SLC17A1: variants seen among roughly 807,000 people sequenced by gnomAD.
SLC17A1 encodes the protein sodium-dependent phosphate transport protein 1.
A neutral mutation model predicts 53.5 loss-of-function variants in SLC17A1; 51 were observed. The ratio of observed to expected loss-of-function variants is 0.95; its 90% confidence interval spans 0.76 to 1.20. SLC17A1 has a LOEUF of 1.20. Ranked by LOEUF, SLC17A1 falls within the 50% of genes most tolerant of loss-of-function variation. The pLI is 0.00. For synonymous variants in SLC17A1, 179 were observed against 198.8 expected (o/e 0.90, Z 0.84); for missense variants, 538 against 568.2 (o/e 0.95, Z 0.54).
In SLC17A1 at chr6:25,799,501, G is replaced by A. The variant is rs1763692199; in HGVS notation, c.1270-582C>T. On this transcript the variant is annotated intron_variant, in intron 11 of 12. Coordinates refer to ENST00000244527, the MANE Select transcript of SLC17A1 (RefSeq NM_005074.5). Reference sequence around the variant, plus strand: ...TGTTCTTCAGATGTATGCTCGAGTTGAAATAGCTATCAGAGGAGAACCAGA... The same window carrying A: ...TGTTCTTCAGATGTATGCTCGAGTTAAAATAGCTATCAGAGGAGAACCAGA... 2.6e-5 allele frequency among the ~76,000 whole-genome samples: 4 copies of A among 152,156 alleles called. No homozygotes were observed. The South Asian group carries it at 8.3e-4, about 32-fold the overall frequency.
the SLC17A1 span, chr6:25,726,911 G>A: frequency 4.2e-5 from 67 of 1,611,302 alleles, no homozygotes; most frequent in Non-Finnish European, 5.6e-5. Context: ...TGGTAGCTAT[G>A]CCGGAGGTGT....
chr6:25,746,265 T>C, the SLC17A1 span, among the ~76,000 whole-genome samples: 2 of 152,230 alleles, frequency 1.3e-5, no homozygotes, highest in African/African-American at 2.4e-5. Context: ...ACCTTTAGTT[T>C]TGATGATCCT....
At chr6:25,831,475 G>A (rs1258173614) in intron 1 of SLC17A1, among the ~76,000 whole-genome samples, 1 of 151,994 alleles carries the variant, frequency 6.6e-6, no homozygotes, top group Non-Finnish European at 1.5e-5. Context: ...CACACCAAAT[G>A]CACACACAAA....
chr6:25,830,072 C>A (rs1198901644), intron 2 of SLC17A1, among the ~76,000 whole-genome samples: 1 of 152,104 alleles, frequency 6.6e-6, no homozygotes, highest in Non-Finnish European at 1.5e-5. Flanking sequence ...AACGCTAAAC[C>A]AATAGCAGTA....
chr6:25,788,856 C>G (rs147408637), intron 12 of SLC17A1, among the ~76,000 whole-genome samples: 1 of 152,096 alleles, frequency 6.6e-6, no homozygotes, highest in African/African-American at 2.4e-5. Context: ...CTAATAGGAG[C>G]TCACTGCTGG....
At chr6:25,826,119 A>T (rs1165180) in intron 3 of SLC17A1, among the ~76,000 whole-genome samples, 98,703 of 152,004 alleles carry the variant, frequency 0.65, 33,867 homozygotes, top group African/African-American at 0.87. Context: ...ATATCCTGCA[A>T]GTCAAAAACT....
chr6:25,735,591 A>C, the SLC17A1 span, among the ~76,000 whole-genome samples: 8 of 152,278 alleles, frequency 5.3e-5, no homozygotes, highest in African/African-American at 1.9e-4. Context: ...ACTACAACAA[A>C]CATTTAAGAA....
chr6:25,791,344 T>C (rs1328618806), intron 12 of SLC17A1, among the ~76,000 whole-genome samples: 2 of 152,208 alleles, frequency 1.3e-5, no homozygotes, highest in Non-Finnish European at 2.9e-5. Flanking sequence ...ATGATGTTTT[T>C]TTTGACCTGC....
the SLC17A1 span, among the ~76,000 whole-genome samples, chr6:25,752,869 G>A: frequency 2.0e-5 from 3 of 151,722 alleles, no homozygotes; most frequent in African/African-American, 7.3e-5. Flanking sequence ...GGAGAATGGC[G>A]TGAACCCGGG....
chr6:25,799,420 A>G (rs1397988002), intron 11 of SLC17A1, among the ~76,000 whole-genome samples: 1 of 152,040 alleles, frequency 6.6e-6, no homozygotes, highest in Non-Finnish European at 1.5e-5. Context: ...CGTTTTGAAG[A>G]GAATGAGTTT....
At chr6:25,738,232 T>C in the SLC17A1 span, among the ~76,000 whole-genome samples, 6 of 152,096 alleles carry the variant, frequency 3.9e-5, no homozygotes, top group Non-Finnish European at 5.9e-5. Flanking sequence ...AATAGATCAA[T>C]GGAACAGAAG....
chr6:25,761,868 T>A, the SLC17A1 span: 1 of 955,382 alleles, frequency 1.0e-6, no homozygotes, highest in Non-Finnish European at 1.6e-6. Flanking sequence ...TTAGAAAGAA[T>A]TGGGGTAATA....
At chr6:25,734,691 A>G in the SLC17A1 span, among the ~76,000 whole-genome samples, 1 of 152,212 alleles carries the variant, frequency 6.6e-6, no homozygotes, top group African/African-American at 2.4e-5. Context: ...TAAAATGCAA[A>G]CCTGTTTGCT....
the SLC17A1 span, chr6:25,768,275 AC>A: frequency 3.0e-6 from 2 of 663,660 alleles, no homozygotes; most frequent in Non-Finnish European, 3.7e-6. Context: ...CCTTTCAGGA[AC>A]CAAGAAAATG....
the SLC17A1 span, chr6:25,727,431 TCC>T: frequency 1.1e-5 from 8 of 717,378 alleles, no homozygotes; most frequent in Admixed American, 2.3e-4. Flanking sequence ...AGTCTCACTC[TCC>T]CAGGCTGGAG....
the SLC17A1 span, among the ~76,000 whole-genome samples, chr6:25,775,987 C>T: frequency 6.6e-6 from 1 of 152,026 alleles, no homozygotes; most frequent in Admixed American, 6.6e-5. Context: ...TTTCTCATAC[C>T]TTTGTGCAAC....
the SLC17A1 span, among the ~76,000 whole-genome samples, chr6:25,734,342 A>G: frequency 6.6e-6 from 1 of 152,236 alleles, no homozygotes; most frequent in Non-Finnish European, 1.5e-5. Context: ...TTCTGAAAAA[A>G]TAGAAATTGC....
chr6:25,802,638 T>C (rs1035931491), intron 10 of SLC17A1, among the ~76,000 whole-genome samples: 16 of 152,312 alleles, frequency 1.1e-4, no homozygotes, highest in Admixed American at 9.8e-4. Flanking sequence ...GATATAGACT[T>C]CTAGGTTAAC....
At chr6:25,792,269 A>G (rs571707874) in intron 12 of SLC17A1, among the ~76,000 whole-genome samples, 6 of 152,346 alleles carry the variant, frequency 3.9e-5, no homozygotes, top group Non-Finnish European at 7.3e-5. Flanking sequence ...TGAGAAATCA[A>G]CTACACTCAC....
Sources: allele counts gnomAD v4.1 joint callset (sites outside exome capture counted in the v4.1 genomes callset), GRCh38; gene constraint gnomAD v4.1.1; transcripts MANE v1.5; gene names NCBI Gene and HGNC (gene_info 2026-07-23, HGNC 2026-07-21).